Variants in GRM4 observed in about 807,000 individuals in gnomAD.
The protein encoded by GRM4 is glutamate metabotropic receptor 4.
A neutral mutation model predicts 81.7 loss-of-function variants in GRM4; 28 were observed. That is an observed-to-expected ratio of 0.34 (90% CI 0.25 to 0.47). The LOEUF (loss-of-function observed/expected upper bound fraction) is 0.47, where lower values mean the gene tolerates loss of function less well. Among genes scored for constraint, GRM4 ranks in the 20% least tolerant of loss-of-function variants. GRM4 has a pLI of 1.00. For synonymous variants in GRM4, 488 were observed against 528.8 expected, an observed-to-expected ratio of 0.92 and a Z score of 1.06; for missense variants, 948 against 1,290.0, an observed-to-expected ratio of 0.73 and a Z score of 4.06.
rs568990653 is a variant in GRM4 at position 34,085,520 on chromosome 6, C to T, written c.736+6363G>A. On this transcript the variant is annotated intron_variant, in intron 3 of 10. Coordinates refer to ENST00000538487, the MANE Select transcript of GRM4 (RefSeq NM_000841.4). ...AGCCTGGCCTCACCCCCAATGCCTA[C>T]ACCCCGTCAGCCTCAGTTTGCCCCT... Among the ~76,000 whole-genome samples, 248 of 152,336 alleles carry T rather than the reference C, an allele frequency of 1.6e-3. 2 individuals are homozygous for T. The highest frequency in any genetic ancestry group is 3.0e-3 in the Non-Finnish European group (205 of 68,032).
In GRM4 at chr6:34,111,059, G is replaced by A. The variant is rs1452914398; in HGVS notation, c.520-18960C>T. 3 of 205,534 alleles carry A rather than the reference G, an allele frequency of 1.5e-5. No individual in the cohort carries two copies. Among genetic ancestry groups the A allele is most frequent in the Admixed American group, 1.2e-4 (2 of 16,728 alleles). The allele number at this position is 205,534 out of a possible 1,614,324, so 12.7% of individuals were successfully genotyped here. A position where few individuals can be genotyped will look rare whatever the true frequency, so the allele number is the denominator to read the frequency against. ...TCCAGACAATCCGTCTCATGCATTT[G>A]GATATCAGCTGACAGCAGCAGGGGC... is the stretch of plus-strand genomic sequence containing the variant. On this transcript the variant is annotated intron_variant, in intron 2 of 10. Transcript: ENST00000538487. The surrounding 1 kb of genome is among the most constrained non-coding windows in gnomAD (Gnocchi z 5.1).
intron 3 of GRM4, among the ~76,000 whole-genome samples, chr6:34,083,086 A>G (rs1359869648): frequency 6.6e-6 from 1 of 152,258 alleles, no homozygotes; most frequent in Non-Finnish European, 1.5e-5. Flanking sequence ...ATGCAAATTC[A>G]GAGCAAAAAG....
rs1764732611 is a variant in GRM4, at chr6:34,036,675, G to A, written c.1507-72C>T. ...GTGCCCCGGACCATCCTACTGGGTG[G>A]TGGCACCTTGTAGCCCCACACTCAA... On this transcript the variant is annotated intron_variant, in intron 8 of 10. Transcript: ENST00000538487. The surrounding 1 kb of genome is among the most constrained non-coding windows in gnomAD (Gnocchi z 9.0). The A allele has an allele frequency of 3.7e-6, 3 of 817,570 alleles. No homozygotes were observed. The East Asian group carries it at 7.6e-5, about 21-fold the overall frequency. 50.6% of individuals were successfully genotyped at this position (817,570 alleles called of 1,614,324 possible). A position where few individuals can be genotyped will look rare whatever the true frequency, so the allele number is the denominator to read the frequency against.
At chr6:34,025,594 C>T (rs1351162569) in intron 10 of GRM4, among the ~76,000 whole-genome samples, 6 of 152,166 alleles carry the variant, frequency 3.9e-5, no homozygotes, top group Admixed American at 6.5e-5. Context: ...GCTCTTCACC[C>T]AAGCCTCAGT....
intron 3 of GRM4, among the ~76,000 whole-genome samples, chr6:34,067,835 C>G (rs773598734): frequency 6.6e-6 from 1 of 152,152 alleles, no homozygotes; most frequent in Non-Finnish European, 1.5e-5. Context: ...CCCCCTGGAG[C>G]CACACCCCCA....
chr6:34,040,983 C>T (rs932224854), intron 6 of GRM4, among the ~76,000 whole-genome samples: 4 of 152,324 alleles, frequency 2.6e-5, no homozygotes, highest in Admixed American at 2.0e-4. Context: ...GACACCGTAC[C>T]ACTGATGCCT....
chr6:34,134,428 A>G (rs1037507331), intron 1 of GRM4, among the ~76,000 whole-genome samples: 1 of 152,120 alleles, frequency 6.6e-6, no homozygotes, highest in African/African-American at 2.4e-5. Flanking sequence ...AGGCCCCCTC[A>G]AGAAATCATC....
intron 1 of GRM4, among the ~76,000 whole-genome samples, chr6:34,138,552 T>TC (rs1047174595): frequency 6.6e-5 from 10 of 152,122 alleles, no homozygotes; most frequent in African/African-American, 2.4e-4. Context: ...GCCTCTCCCC[T>TC]CCCCTCAGCT....
intron 6 of GRM4, chr6:34,054,131 CCTCAGG>C (rs1440541034): frequency 6.6e-6 from 1 of 151,936 alleles, no homozygotes; most frequent in African/African-American, 2.4e-5. Context: ...GTAGAGCTTG[CCTCAGG>C]CTCATGGGAA....
intron 1 of GRM4, among the ~76,000 whole-genome samples, chr6:34,145,331 C>T (rs1283895179): frequency 1.3e-5 from 2 of 152,062 alleles, no homozygotes; most frequent in Admixed American, 1.3e-4. Flanking sequence ...TCGGCTGCTG[C>T]TCCGGCAAGC....
exon 1 of GRM4, chr6:34,155,610 A>C: frequency 2.2e-6 from 1 of 453,418 alleles, no homozygotes; most frequent in South Asian, 4.6e-5. Context: ...TCCTCCAGCA[A>C]AGCGCTGGGA....
In GRM4 at chr6:34,047,104, T is replaced by C. The variant is rs1176619486; in HGVS notation, c.1169-6356A>G. ...AGTGTGAATTCCGGATAGTAAGACT[T>C]ACTTCGAGGGGCCACTGGGAGGACT... On this transcript the variant is annotated intron_variant, in intron 6 of 10. Coordinates refer to ENST00000538487, the MANE Select transcript of GRM4 (RefSeq NM_000841.4). This position sits in a 1 kb window ranked among gnomAD's most constrained non-coding sequence, Gnocchi z 4.5. Among the ~76,000 whole-genome samples, 1 of 152,054 alleles carries C rather than the reference T, an allele frequency of 6.6e-6. No individual in the cohort carries two copies. The highest frequency in any genetic ancestry group is 1.9e-4 in the East Asian group (1 of 5,170).
intron 6 of GRM4, among the ~76,000 whole-genome samples, chr6:34,044,413 G>T (rs1377462047): frequency 1.5e-4 from 13 of 84,860 alleles, no homozygotes; most frequent in Non-Finnish European, 2.6e-4. Context: ...TATATACACA[G>T]ACACACACAT....
intron 1 of GRM4, among the ~76,000 whole-genome samples, chr6:34,137,512 G>C (rs542722196): frequency 2.6e-5 from 4 of 152,328 alleles, no homozygotes; most frequent in Non-Finnish European, 2.9e-5. Context: ...ATCCCAGCTG[G>C]GACCTCTCTG....
intron 2 of GRM4, among the ~76,000 whole-genome samples, chr6:34,108,457 T>C (rs1769224572): frequency 6.6e-6 from 1 of 152,234 alleles, no homozygotes; most frequent in Non-Finnish European, 1.5e-5. Flanking sequence ...GGTAAGTGGC[T>C]GAGCCAGGGC....
At chr6:34,073,141 A>C (rs867153789) in intron 3 of GRM4, among the ~76,000 whole-genome samples, 10,804 of 84,386 alleles carry the variant, frequency 0.13, 962 homozygotes, top group African/African-American at 0.28. Context: ...ACACACACAC[A>C]CACACATCAC....
At chr6:34,087,676 A>G (rs1767970701) in intron 3 of GRM4, among the ~76,000 whole-genome samples, 1 of 146,812 alleles carries the variant, frequency 6.8e-6, no homozygotes, top group Non-Finnish European at 1.5e-5. Context: ...GAAGGTCCAC[A>G]CGTGCCCGCA....
At chr6:34,145,137 C>T (rs1770872033) in intron 1 of GRM4, among the ~76,000 whole-genome samples, 1 of 151,954 alleles carries the variant, frequency 6.6e-6, no homozygotes, top group Admixed American at 6.6e-5. Flanking sequence ...TGCGTGCCGG[C>T]CTGCCCCGGG....
chr6:34,110,698 C>A, intron 2 of GRM4: 1 of 1,522,020 alleles, frequency 6.6e-7, no homozygotes, highest in Non-Finnish European at 8.8e-7. Context: ...GTGTCTGCCT[C>A]AGCCTCCCCG....
Sources: gnomAD v4.1 joint callset for allele counts (sites outside exome capture counted in the v4.1 genomes callset) on GRCh38, gnomAD v4.1.1 for gene constraint, Gnocchi (gnomAD v3.1) non-coding constraint, MANE v1.5 for transcripts, NCBI Gene and HGNC (gene_info 2026-07-23, HGNC 2026-07-21) for gene names.